Variants in MAPK14 observed in about 807,000 individuals in gnomAD.
MAPK14 encodes mitogen-activated protein kinase 14.
Under a neutral mutation model 49.6 loss-of-function variants are expected in MAPK14, and 16 were observed. That is an observed-to-expected ratio of 0.32 (90% CI 0.22 to 0.49). MAPK14 has a LOEUF of 0.49. Among genes scored for constraint, MAPK14 ranks in the 20% least tolerant of loss-of-function variants. MAPK14 has a pLI of 0.99. For synonymous variants in MAPK14, 142 were observed against 158.0 expected (o/e 0.90, Z 0.76); for missense variants, 200 against 441.2 (o/e 0.45, Z 4.90).
intron 1 of MAPK14, among the ~76,000 whole-genome samples, chr6:36,051,873 A>G (rs923861721): frequency 6.6e-6 from 1 of 152,168 alleles, no homozygotes; most frequent in African/African-American, 2.4e-5. Context: ...TAAAGACTCT[A>G]TAAACATTAA....
rs768062518 is a variant in MAPK14 at position 36,038,911 on chromosome 6, TAA to T, written c.116+10641_116+10642del. 1.9e-3 allele frequency among the ~76,000 whole-genome samples: 297 copies of T among 152,340 alleles called. 5 individuals are homozygous for T. The highest frequency in any genetic ancestry group is 9.6e-4 in the Non-Finnish European group (65 of 68,014). On this transcript the variant is annotated intron_variant, in intron 1 of 11. Transcript: ENST00000229794. ...TTTTTCTTACTTTTGGATCATGTTT[TAA>T]AAGTCATTTTTACCTTCTTTCAACA...
At position 36,075,869 on chromosome 6, in the gene MAPK14, C is replaced by T; in HGVS notation, c.517C>T (p.Arg173Trp). The change falls in exon 7 of 12, where the codon CGG becomes TGG. Residue 173 changes from arginine (R) to tryptophan (W), a missense_variant. Arg to Trp is a moderately radical substitution (Grantham distance 101). Transcript: ENST00000229794. The stretch of plus-strand genomic sequence containing the variant: ...TTAGATTCTGGATTTTGGACTGGCT[C>T]GGCACACAGATGATGAAATGACAGG... ...ELKILDFGLARHTDDEMTGYV... is the reference protein window; with the variant it reads ...ELKILDFGLAWHTDDEMTGYV... 1.2e-6 allele frequency: 2 copies of T among 1,613,720 alleles called. No individual in the cohort carries two copies. The highest frequency in any genetic ancestry group is 8.5e-7 in the Non-Finnish European group (1 of 1,179,976).
intron 1 of MAPK14, among the ~76,000 whole-genome samples, chr6:36,049,240 A>C (rs851018): frequency 0.42 from 63,916 of 151,984 alleles, 15,058 homozygotes; most frequent in South Asian, 0.62. Context: ...ACACCTTAAG[A>C]GGTATATTAA....
At chr6:36,030,818 CTTGT>C (rs1229867029) in intron 1 of MAPK14, among the ~76,000 whole-genome samples, 7 of 150,254 alleles carry the variant, frequency 4.7e-5, no homozygotes, top group Non-Finnish European at 1.0e-4. Flanking sequence ...TTTTTATTTG[CTTGT>C]TTGTTTAGTA....
chr6:36,061,213 G>A (rs1487967911), intron 3 of MAPK14, among the ~76,000 whole-genome samples: 1 of 152,184 alleles, frequency 6.6e-6, no homozygotes, highest in East Asian at 1.9e-4. Flanking sequence ...GGTATACTAA[G>A]GATGGATTTA....
intron 1 of MAPK14, among the ~76,000 whole-genome samples, chr6:36,031,916 A>G (rs1762558754): frequency 6.6e-6 from 1 of 152,126 alleles, no homozygotes. Context: ...CCTGAAGTCT[A>G]CTTCCAAAAA....
chr6:36,106,528 T>C (rs1057452578), intron 10 of MAPK14, among the ~76,000 whole-genome samples: 3 of 152,180 alleles, frequency 2.0e-5, no homozygotes, highest in Non-Finnish European at 4.4e-5. Flanking sequence ...TTAGATGATA[T>C]TTAGAAATTA....
rs542608572 is a variant in MAPK14, at chr6:36,028,244, A to T, written c.87A>T (p.Pro29=). 1 of 1,613,572 alleles carries T rather than the reference A, an allele frequency of 6.2e-7. No homozygotes were observed. Residue 29 remains proline (P), a synonymous_variant, in exon 1 of 12, where the codon CCA becomes CCT. Coordinates refer to ENST00000229794, the MANE Select transcript of MAPK14 (RefSeq NM_139012.3). The surrounding 1 kb of genome is among the most constrained non-coding windows in gnomAD (Gnocchi z 5.1). ...EVPERYQNLS[P]VGSGAYGSVC... The stretch of plus-strand genomic sequence containing the variant: ...CCGAGCGTTACCAGAACCTGTCTCC[A>T]GTGGGCTCTGGCGCCTATGGCTCTG...
intron 8 of MAPK14, chr6:36,092,203 T>C (rs1765262389): frequency 3.7e-6 from 2 of 541,042 alleles, no homozygotes; most frequent in African/African-American, 1.9e-5. Context: ...GTCATCTCCG[T>C]TAATGATTAC....
At chr6:36,070,670 A>C (rs1764233959) in intron 3 of MAPK14, among the ~76,000 whole-genome samples, 1 of 152,178 alleles carries the variant, frequency 6.6e-6, no homozygotes, top group African/African-American at 2.4e-5. Context: ...CTAACATCTT[A>C]AGGTTGCAAC....
At chr6:36,077,369 GT>G (rs1258902731) in intron 8 of MAPK14, among the ~76,000 whole-genome samples, 1 of 151,958 alleles carries the variant, frequency 6.6e-6, no homozygotes, top group Admixed American at 6.6e-5. Flanking sequence ...TCTAGAATTA[GT>G]TTTGGGGATT....
chr6:36,061,211 A>G (rs1191229686), intron 3 of MAPK14, among the ~76,000 whole-genome samples: 1 of 152,222 alleles, frequency 6.6e-6, no homozygotes, highest in Non-Finnish European at 1.5e-5. Context: ...TAGGTATACT[A>G]AGGATGGATT....
At chr6:36,076,839 G>A (rs1236858772) in intron 8 of MAPK14, 1 of 396,232 alleles carries the variant, frequency 2.5e-6, no homozygotes, top group Non-Finnish European at 4.5e-6. Flanking sequence ...AACCCATCAA[G>A]TCTGTCTTCT....
rs1765859947 is a variant in MAPK14, at chr6:36,108,281, G to A, written c.1016-99G>A. The A allele has an allele frequency of 4.6e-6, 4 of 871,608 alleles. No homozygotes were observed. The Admixed American group carries it at 7.4e-5, about 16-fold the overall frequency. The allele number at this position is 871,608 out of a possible 1,614,324, so 54.0% of individuals were successfully genotyped here. On this transcript the variant is annotated intron_variant, in intron 11 of 11. Transcript: ENST00000229794. ...GAGGTAGCCCATCAAACCACTACCT[G>A]GACAGAGAGGAAGGATCTTGAGCTT...
At chr6:36,043,106 A>C (rs1763030578) in intron 1 of MAPK14, among the ~76,000 whole-genome samples, 1 of 151,672 alleles carries the variant, frequency 6.6e-6, no homozygotes, top group Non-Finnish European at 1.5e-5. Context: ...CCTGGGCAAC[A>C]GAGCAAGACC....
At chr6:36,066,000 A>G (rs149009901) in intron 3 of MAPK14, among the ~76,000 whole-genome samples, 15 of 152,328 alleles carry the variant, frequency 9.8e-5, no homozygotes, top group Admixed American at 2.6e-4. Flanking sequence ...CCTTTCTTCA[A>G]AAAACAGGGT....
chr6:36,072,650 A>G (rs888145660), intron 3 of MAPK14, among the ~76,000 whole-genome samples: 5 of 152,216 alleles, frequency 3.3e-5, no homozygotes, highest in Non-Finnish European at 7.4e-5. Context: ...CTGGAGTCCC[A>G]GCAACTCGGG....
intron 1 of MAPK14, among the ~76,000 whole-genome samples, chr6:36,043,785 T>C (rs56060712): frequency 6.6e-6 from 1 of 151,334 alleles, no homozygotes; most frequent in African/African-American, 2.4e-5. Flanking sequence ...TTTATAGATA[T>C]TCTTTTTTCT....
chr6:36,092,315 C>G, intron 8 of MAPK14: 1 of 605,308 alleles, frequency 1.7e-6, no homozygotes, highest in Non-Finnish European at 3.2e-6. Context: ...TCCTCAAGCT[C>G]CCAAAGAGCA....
Sources: gnomAD v4.1 joint callset for allele counts (sites outside exome capture counted in the v4.1 genomes callset) on GRCh38, gnomAD v4.1.1 for gene constraint, Gnocchi (gnomAD v3.1) non-coding constraint, MANE v1.5 for transcripts, NCBI Gene and HGNC (gene_info 2026-07-23, HGNC 2026-07-21) for gene names.